The following PHF19 variants were observed in gnomAD, a reference collection of about 807,000 sequenced individuals.
The protein encoded by PHF19 is polycomb like 3.
PHF19 carries 21 observed loss-of-function variants against 79.8 expected under a neutral mutation model. That is an observed-to-expected ratio of 0.26 (90% CI 0.19 to 0.38). The LOEUF (loss-of-function observed/expected upper bound fraction) is 0.38. Ranked by LOEUF, PHF19 falls within the 10% of genes least tolerant of loss-of-function variation. PHF19 has a pLI of 1.00. For missense variants in PHF19, 445 were observed against 744.2 expected, an observed-to-expected ratio of 0.60 and a Z score of 4.68; for synonymous variants, 273 against 296.3, an observed-to-expected ratio of 0.92 and a Z score of 0.81.
At chr9:120,873,847 T>G (rs1588120426) in intron 3 of PHF19, 132 bp downstream of exon 3, 2 of 637,650 alleles carry the variant, frequency 3.1e-6, no homozygotes, top group East Asian at 2.6e-5. Context: ...TCATCACAGG[T>G]GGGCTTGGGG....
chr9:120,897,061 G>T (rs1860824), upstream of PHF19, among the ~76,000 whole-genome samples: 104,515 of 152,178 alleles, frequency 0.69, 36,172 homozygotes, highest in South Asian at 0.82. Flanking sequence ...AGCTTGTAGA[G>T]ACCTCCTCGC....
At position 120,891,612 on chromosome 9, in the gene PHF19, T is replaced by C. The variant is rs145420718; in HGVS notation, c.42+3176A>G. 6.6e-6 allele frequency among the ~76,000 whole-genome samples: 1 copy of C among 152,306 alleles called. No individual in the cohort carries two copies. Among genetic ancestry groups the C allele is most frequent in the Non-Finnish European group, 1.5e-5 (1 of 68,020 alleles). On this transcript the variant is annotated intron_variant, in intron 1 of 14. Transcript: ENST00000616568. The surrounding 1 kb of genome is among the most constrained non-coding windows in gnomAD (Gnocchi z 4.3). ...ACCCAGCCACTTAGAGGAGCTGCAC[T>C]CCAGGCACCTCGGGGAGTATAACCT... is the stretch of plus-strand genomic sequence containing the variant.
upstream of PHF19, among the ~76,000 whole-genome samples, chr9:120,897,762 T>C (rs923624340): frequency 3.0e-4 from 45 of 152,166 alleles, no homozygotes; most frequent in African/African-American, 1.0e-3. Context: ...GCGGATCACT[T>C]GAGGTCAGGA....
intron 10 of PHF19, among the ~76,000 whole-genome samples, chr9:120,863,641 G>A (rs1477155823): frequency 1.3e-5 from 2 of 152,182 alleles, no homozygotes; most frequent in Non-Finnish European, 2.9e-5. Flanking sequence ...CCTCTGTGGT[G>A]TAGTGAGGGA....
At chr9:120,863,692 CA>C (rs1336087166) in intron 10 of PHF19, among the ~76,000 whole-genome samples, 1 of 152,166 alleles carries the variant, frequency 6.6e-6, no homozygotes, top group African/African-American at 2.4e-5. Context: ...GATGGGAAGA[CA>C]GGGGCTGAGG....
intron 8 of PHF19, 26 bp from the exon 9 acceptor site, chr9:120,865,856 A>G (rs1453082041): frequency 6.2e-7 from 1 of 1,613,954 alleles, no homozygotes; most frequent in South Asian, 1.1e-5. Flanking sequence ...AGGAGGTGGG[A>G]CCAGGTGAGG....
rs531654668 is a variant in PHF19 at position 120,891,542 on chromosome 9, C to G, written c.42+3246G>C. ...CTCCCCGGGTGGTTCAAGGTGCAGC[C>G]CAGGTGGAGCGCCACCATAATTTAC... On this transcript the variant is annotated intron_variant, in intron 1 of 14. Transcript: ENST00000616568. This position sits in a 1 kb window ranked among gnomAD's most constrained non-coding sequence, Gnocchi z 4.3. 2.6e-4 allele frequency among the ~76,000 whole-genome samples: 40 copies of G among 152,202 alleles called. No homozygotes were observed. Among genetic ancestry groups the G allele is most frequent in the African/African-American group, 9.2e-4 (38 of 41,530 alleles).
upstream of PHF19, among the ~76,000 whole-genome samples, chr9:120,879,401 G>A (rs186887781): frequency 5.6e-4 from 85 of 152,294 alleles, no homozygotes; most frequent in East Asian, 0.016. Flanking sequence ...TGAGCTGCAC[G>A]TGGAATTGAA....
In PHF19 at chr9:120,855,951, A is replaced by G. The variant is rs1837; in HGVS notation, c.*1993T>C. On this transcript the variant is annotated 3_prime_UTR_variant, in exon 15 of 15. Transcript: ENST00000373896. ...CAGGTAGGGAAGGTCCAGATGTACT[A>G]TAACAGGATTGCTCATCCCAGGCTA... 112,321 of 152,572 alleles carry G rather than the reference A, an allele frequency of 0.74. 41,560 individuals are homozygous for G. The highest frequency in any genetic ancestry group is 0.82 in the Admixed American group (12,583 of 15,296). The allele number at this position is 152,572 out of a possible 1,614,324, so 9.5% of individuals were successfully genotyped here.
upstream of PHF19, among the ~76,000 whole-genome samples, chr9:120,879,376 G>A (rs559482280): frequency 2.5e-4 from 38 of 152,344 alleles, no homozygotes; most frequent in Admixed American, 1.6e-3. Context: ...AGATAAATAA[G>A]AGGGGATTGT....
At chr9:120,900,377 G>C in the PHF19 span, among the ~76,000 whole-genome samples, 1 of 152,206 alleles carries the variant, frequency 6.6e-6, no homozygotes, top group African/African-American at 2.4e-5. Flanking sequence ...AAAAGGGAGA[G>C]CCCAAAACAG....
In PHF19 at chr9:120,869,993, CAAGGCCAGTTGGCCCA is replaced by C. The variant is rs1213607431; in HGVS notation, c.365-64_365-49del. Reference sequence around the variant, plus strand: ...GAGCGCCCACAAGGACATCGTGGCCCAAGGCCAGTTGGCCCAAAGGAGGCAGGGCTGGGAGGGCTGA... The same window carrying C: ...GAGCGCCCACAAGGACATCGTGGCCCAAGGAGGCAGGGCTGGGAGGGCTGA... On this transcript the variant is annotated intron_variant, in intron 4 of 14. Transcript: ENST00000373896. The surrounding 1 kb of genome is among the most constrained non-coding windows in gnomAD (Gnocchi z 5.8). The C allele has an allele frequency of 3.2e-6, 5 of 1,540,420 alleles. No individual in the cohort carries two copies. The highest frequency in any genetic ancestry group is 4.4e-6 in the Non-Finnish European group (5 of 1,141,694).
At position 120,857,817 on chromosome 9, in the gene PHF19, T is replaced by C; in HGVS notation, c.*127A>G. 1 of 599,620 alleles carries C rather than the reference T, an allele frequency of 1.7e-6. No individual in the cohort carries two copies. The highest frequency in any genetic ancestry group is 2.9e-6 in the Non-Finnish European group (1 of 346,564). The allele number at this position is 599,620 out of a possible 1,614,324, so 37.1% of individuals were successfully genotyped here. On this transcript the variant is annotated 3_prime_UTR_variant, in exon 15 of 15. Transcript: ENST00000373896. ...GCCTGGCAGGCAGGCAGGCAGGGCA[T>C]TCTGCCAGGCACTTGCAGCTCTGTC...
At chr9:120,872,063 A>G (rs940267193) in intron 3 of PHF19, among the ~76,000 whole-genome samples, 1 of 149,826 alleles carries the variant, frequency 6.7e-6, no homozygotes, top group Non-Finnish European at 1.5e-5. Flanking sequence ...AAAAAAAAAA[A>G]AAAAAGAAAT....
chr9:120,863,913 T>A, intron 10 of PHF19, 136 bp downstream of exon 10: 1 of 763,026 alleles, frequency 1.3e-6, no homozygotes, highest in South Asian at 1.7e-5. Flanking sequence ...CCCCTGGATC[T>A]CGGAGAATGG....
Position 120,858,046 on chromosome 9 carries a change from C to A in PHF19, c.1641G>T (p.Gly547=). Residue 547 remains glycine (G), a synonymous_variant, in exon 15 of 15, where the codon GGG becomes GGT. Coordinates refer to ENST00000373896, the MANE Select transcript of PHF19 (RefSeq NM_015651.3). ...SSITNYFGAA[G]RLACGEKYQV... ...GGTACTTCTCCCCACAGGCCAACCG[C>A]CCAGCTGCACCAAAGTAGTTGGTGA... is the stretch of plus-strand genomic sequence containing the variant. 6.2e-7 allele frequency: 1 copy of A among 1,614,176 alleles called. No homozygotes were observed. The highest frequency in any genetic ancestry group is 2.2e-5 in the East Asian group (1 of 44,882).
At chr9:120,903,085 T>A in the PHF19 span, 12 of 152,316 alleles carry the variant, frequency 7.9e-5, no homozygotes, top group Admixed American at 7.2e-4. Context: ...GACATCAGTT[T>A]CAGGGCCTAG....
At position 120,870,098 on chromosome 9, in the gene PHF19, G is replaced by A. The variant is rs1319026624; in HGVS notation, c.365-153C>T. 6.6e-6 allele frequency among the ~76,000 whole-genome samples: 1 copy of A among 152,128 alleles called. No homozygotes were observed. The highest frequency in any genetic ancestry group is 2.4e-5 in the African/African-American group (1 of 41,422). On this transcript the variant is annotated intron_variant, in intron 4 of 14. Coordinates refer to ENST00000373896, the MANE Select transcript of PHF19 (RefSeq NM_015651.3). The surrounding 1 kb of genome is among the most constrained non-coding windows in gnomAD (Gnocchi z 4.4). ...CCTGGCTGCTGGTGCCCACCAAGAT[G>A]GCCAAGTCAGTGTCCAGGCTGGGAA...
chr9:120,887,769 T>C (rs983806395), intron 1 of PHF19, among the ~76,000 whole-genome samples: 1 of 152,142 alleles, frequency 6.6e-6, no homozygotes, highest in Non-Finnish European at 1.5e-5. Context: ...CATACTATGA[T>C]ATTTGGTAGG....
Sources: gnomAD v4.1 joint callset for allele counts (sites outside exome capture counted in the v4.1 genomes callset) on GRCh38, gnomAD v4.1.1 for gene constraint, Gnocchi (gnomAD v3.1) non-coding constraint, MANE v1.5 for transcripts, NCBI Gene and HGNC (gene_info 2026-07-23, HGNC 2026-07-21) for gene names.